ABHD5: variants seen among roughly 807,000 people sequenced by gnomAD.
ABHD5 encodes the protein abhydrolase domain containing 5, lysophosphatidic acid acyltransferase, also known as 1-acylglycerol-3-phosphate O-acyltransferase ABHD5.
In ABHD5, 30 loss-of-function variants were observed where a neutral mutation model predicts 44.9. The observed-to-expected ratio is 0.67, with a 90% CI of 0.50 to 0.91. ABHD5 has a LOEUF of 0.91. ABHD5 is among the 40% of genes least tolerant of loss of function. The pLI, the probability that ABHD5 is intolerant of heterozygous loss-of-function variation, is 0.00. For synonymous variants in ABHD5, 167 were observed against 147.0 expected (o/e 1.14, Z -0.99); for missense variants, 399 against 423.4 (o/e 0.94, Z 0.50).
At chr3:43,725,124 G>C (rs2084868991), downstream of ABHD5, among the ~76,000 whole-genome samples, 1 of 152,174 alleles carries the variant, frequency 6.6e-6, no homozygotes, top group Non-Finnish European at 1.5e-5. Context: ...GAGCTATAAA[G>C]CTGTAACTGG....
chr3:43,694,285 G>C (rs1372185930), intron 1 of ABHD5, among the ~76,000 whole-genome samples: 1 of 146,558 alleles, frequency 6.8e-6, no homozygotes, highest in African/African-American at 2.5e-5. Context: ...AAAAAGCTCA[G>C]TTCTTCCTCT....
chr3:43,709,783 G>A (rs2084664957), intron 3 of ABHD5, among the ~76,000 whole-genome samples: 1 of 152,146 alleles, frequency 6.6e-6, no homozygotes, highest in South Asian at 2.1e-4. Context: ...AGTGGCTCAG[G>A]CCCATAATCC....
At chr3:43,717,648 T>C (rs777300743) in intron 5 of ABHD5, 23 bp from the exon 6 acceptor site, 1 of 1,613,646 alleles carries the variant, frequency 6.2e-7, no homozygotes, top group Non-Finnish European at 8.5e-7. Flanking sequence ...TCATACATCG[T>C]GATTTTCTCC....
At chr3:43,691,120 A>C in intron 1 of ABHD5, 81 bp downstream of exon 1, 1 of 1,332,760 alleles carries the variant, frequency 7.5e-7, no homozygotes, top group East Asian at 2.9e-5. Flanking sequence ...AGCGGGCAGC[A>C]CCAAGGAGTC....
rs1384410820 is a variant in ABHD5, at chr3:43,702,664, T to G, written c.506+77T>G. The G allele has an allele frequency of 4.4e-6, 7 of 1,607,798 alleles. No individual in the cohort carries two copies. The Admixed American group carries it at 5.0e-5, about 11-fold the overall frequency. Reference sequence around the variant, plus strand: ...GACTCTAGTTCCCATCTTTGGTGGTTGTTAGTGTCTGAGCCACAAGGCAGA... The same window carrying G: ...GACTCTAGTTCCCATCTTTGGTGGTGGTTAGTGTCTGAGCCACAAGGCAGA... On this transcript the variant is annotated intron_variant, in intron 3 of 6. Transcript: ENST00000644371.
chr3:43,717,352 A>G (rs2084778048), intron 5 of ABHD5, among the ~76,000 whole-genome samples: 1 of 152,212 alleles, frequency 6.6e-6, no homozygotes, highest in Non-Finnish European at 1.5e-5. Flanking sequence ...CTTCTACATC[A>G]GTTTAAATAA....
At chr3:43,711,101 G>T (rs1397269218) in intron 3 of ABHD5, among the ~76,000 whole-genome samples, 1 of 152,172 alleles carries the variant, frequency 6.6e-6, no homozygotes, top group Non-Finnish European at 1.5e-5. Flanking sequence ...AGATAGACTT[G>T]TTCCTTTTCA....
downstream of ABHD5, among the ~76,000 whole-genome samples, chr3:43,726,668 T>C (rs151051578): frequency 9.2e-4 from 140 of 152,320 alleles, no homozygotes; most frequent in African/African-American, 3.2e-3. Context: ...TCAAGTGCAG[T>C]CTGTTTCGGC....
chr3:43,727,635 G>A (rs1476366340), downstream of ABHD5, among the ~76,000 whole-genome samples: 2 of 152,158 alleles, frequency 1.3e-5, no homozygotes, highest in Admixed American at 6.5e-5. Flanking sequence ...TTGAGGCAGA[G>A]TTTCGCTCTT....
chr3:43,711,898 G>T, intron 4 of ABHD5, 35 bp downstream of exon 4: 2 of 1,613,762 alleles, frequency 1.2e-6, no homozygotes, highest in Non-Finnish European at 8.5e-7. Context: ...CAAAATGTTT[G>T]TAAGTTATGA....
At chr3:43,715,195 T>C in intron 5 of ABHD5, 137 bp downstream of exon 5, 4 of 646,356 alleles carry the variant, frequency 6.2e-6, no homozygotes, top group Non-Finnish European at 1.1e-5. Flanking sequence ...GGTTTCGCTC[T>C]TGTCACCCAG....
intron 2 of ABHD5, 78 bp from the exon 3 acceptor site, chr3:43,702,137 T>C (rs1390733682): frequency 4.6e-6 from 6 of 1,313,790 alleles, no homozygotes; most frequent in Non-Finnish European, 6.3e-6. Context: ...TGATTTGTAA[T>C]TTTTGGTTGC....
At chr3:43,732,190 G>A (rs1697246330) in intron 7 of ABHD5, among the ~76,000 whole-genome samples, 1 of 152,136 alleles carries the variant, frequency 6.6e-6, no homozygotes, top group Non-Finnish European at 1.5e-5. Flanking sequence ...CAGCACTGTG[G>A]AAGGCCGAGG....
At chr3:43,732,210 A>G (rs1382499002) in intron 7 of ABHD5, among the ~76,000 whole-genome samples, 1 of 152,100 alleles carries the variant, frequency 6.6e-6, no homozygotes, top group Non-Finnish European at 1.5e-5. Flanking sequence ...GTGGGTGGAT[A>G]ACTTGAGATC....
Position 43,722,310 on chromosome 3 carries a change from A to T in ABHD5, c.*3778A>T, listed in dbSNP as rs1332703051. The T allele has an allele frequency of 6.6e-6, 1 of 152,224 alleles. No homozygotes were observed. Among genetic ancestry groups the T allele is most frequent in the Admixed American group, 6.5e-5 (1 of 15,288 alleles). The allele number at this position is 152,224 out of a possible 1,614,324, so 9.4% of individuals were successfully genotyped here. On this transcript the variant is annotated 3_prime_UTR_variant, in exon 7 of 7. Coordinates refer to ENST00000644371, the MANE Select transcript of ABHD5 (RefSeq NM_016006.6). ...CTGGAGAAATCTCCAGAATATAGGA[A>T]ATGAAAAATGTAAAGCACAGAAGAG...
chr3:43,714,922 A>AT (rs1456937541), intron 4 of ABHD5, 25 bp from the exon 5 acceptor site: 8 of 1,532,386 alleles, frequency 5.2e-6, no homozygotes, highest in Non-Finnish European at 9.0e-7. Context: ...TAAAACATGC[A>AT]TTTTTTAAAT....
chr3:43,719,348 C>G lies in ABHD5; in HGVS notation c.*816C>G, dbSNP rs1420346284. 1 of 152,112 alleles carries G rather than the reference C, an allele frequency of 6.6e-6. No individual in the cohort carries two copies. The highest frequency in any genetic ancestry group is 1.9e-4 in the East Asian group (1 of 5,192). The allele number at this position is 152,112 out of a possible 1,614,324, so 9.4% of individuals were successfully genotyped here. A position where few individuals can be genotyped will look rare whatever the true frequency, so the allele number is the denominator to read the frequency against. On this transcript the variant is annotated 3_prime_UTR_variant, in exon 7 of 7. Transcript: ENST00000644371. ...CTTTCATACTATTCTTTTCCATGAC[C>G]CAGGATGCAGCAAATGAAACAGATT...
chr3:43,724,462 A>AG (rs758737590), downstream of ABHD5, among the ~76,000 whole-genome samples: 4 of 152,306 alleles, frequency 2.6e-5, no homozygotes, highest in East Asian at 7.7e-4. Flanking sequence ...TTTTGTTTCC[A>AG]GGTTTCTATC....
Position 43,710,493 on chromosome 3 carries a change from T to C in ABHD5, c.507-1216T>C, listed in dbSNP as rs149835882. ...TAATGTTATGTACCGGAGCAGGTCA[T>C]GTAGTACATCTCAGCTTCCTTCTTA... On this transcript the variant is annotated intron_variant, in intron 3 of 6. Coordinates refer to ENST00000644371, the MANE Select transcript of ABHD5 (RefSeq NM_016006.6). Among the ~76,000 whole-genome samples the C allele has an allele frequency of 8.7e-3, 1,324 of 152,334 alleles. 7 individuals are homozygous for C. Among genetic ancestry groups the C allele is most frequent in the South Asian group, 0.036 (172 of 4,824 alleles).
Sources: gnomAD v4.1 joint callset for allele counts (sites outside exome capture counted in the v4.1 genomes callset) on GRCh38, gnomAD v4.1.1 for gene constraint, MANE v1.5 for transcripts, NCBI Gene and HGNC (gene_info 2026-07-23, HGNC 2026-07-21) for gene names.